DACH2: variants seen among roughly 807,000 people sequenced by gnomAD.
The protein encoded by DACH2 is dachshund family transcription factor 2.
Under a neutral mutation model 35.8 loss-of-function variants are expected in DACH2, and 17 were observed. That is an observed-to-expected ratio of 0.48 (90% confidence interval 0.33 to 0.71). The LOEUF (loss-of-function observed/expected upper bound fraction) is 0.71, where lower values mean the gene tolerates loss of function less well. Among genes scored for constraint, DACH2 ranks in the 30% least tolerant of loss-of-function variants. The pLI is 0.02. For missense variants in DACH2, 469 were observed against 472.7 expected (o/e 0.99, Z 0.07); for synonymous variants, 195 against 177.3 (o/e 1.10, Z -0.79).
chrX:86,764,811 C>T (rs1228926736), intron 7 of DACH2, among the ~76,000 whole-genome samples: 1 of 112,097 alleles, frequency 8.9e-6, no homozygotes, highest in Non-Finnish European at 1.9e-5. Context: ...TCCAAATTGC[C>T]TTCCACAGTG....
chrX:86,230,041 G>A (rs147786355), intron 1 of DACH2, among the ~76,000 whole-genome samples: 2,927 of 110,645 alleles, frequency 0.026, 53 homozygotes, highest in Non-Finnish European at 0.041. Context: ...TCATGTTCCC[G>A]TTCTCAGGGG....
chrX:86,434,370 C>CT (rs1409626082), intron 2 of DACH2, among the ~76,000 whole-genome samples: 1 of 111,227 alleles, frequency 9.0e-6, no homozygotes, highest in Non-Finnish European at 1.9e-5. Context: ...TAAAGTGTAC[C>CT]TTTTTAAAAT....
intron 3 of DACH2, among the ~76,000 whole-genome samples, chrX:86,625,011 G>C (rs910002247): frequency 9.0e-6 from 1 of 111,346 alleles, no homozygotes; most frequent in African/African-American, 3.3e-5. Context: ...ATTTCTTTAT[G>C]GATTCTGTTT....
chrX:86,201,702 C>T (rs1485092209), intron 1 of DACH2, among the ~76,000 whole-genome samples: 2 of 111,248 alleles, frequency 1.8e-5, no homozygotes, highest in East Asian at 2.8e-4. Context: ...TTCAGCTTTA[C>T]TAGATTAATG....
intron 1 of DACH2, among the ~76,000 whole-genome samples, chrX:86,315,832 C>G (rs868439269): frequency 0.053 from 3,963 of 75,165 alleles, 99 homozygotes; most frequent in Non-Finnish European, 0.068. Flanking sequence ...CACACACACA[C>G]ACACACACAG....
chrX:86,777,503 C>G (rs1006594758), intron 7 of DACH2, among the ~76,000 whole-genome samples: 1 of 111,582 alleles, frequency 9.0e-6, no homozygotes, highest in Non-Finnish European at 1.9e-5. Context: ...TATTAAGTGA[C>G]TCTCTATTTT....
At chrX:86,416,875 GA>G (rs1487985944) in intron 2 of DACH2, among the ~76,000 whole-genome samples, 1 of 109,820 alleles carries the variant, frequency 9.1e-6, no homozygotes, top group Non-Finnish European at 1.9e-5. Context: ...AAGGTGGGTG[GA>G]TCACCTGAGG....
chrX:86,735,080 T>A (rs1323564146), intron 6 of DACH2, among the ~76,000 whole-genome samples: 5 of 111,894 alleles, frequency 4.5e-5, no homozygotes, highest in African/African-American at 1.6e-4. Context: ...TACATAATTC[T>A]ACTGAATTCT....
chrX:86,184,035 T>A (rs2031598361), intron 1 of DACH2, among the ~76,000 whole-genome samples: 1 of 111,179 alleles, frequency 9.0e-6, no homozygotes, highest in Non-Finnish European at 1.9e-5. Context: ...CTTTTATCAT[T>A]TTTTATTGTG....
chrX:86,210,799 G>T, intron 1 of DACH2, among the ~76,000 whole-genome samples: 1 of 111,841 alleles, frequency 8.9e-6, no homozygotes. Flanking sequence ...AATGGGATTT[G>T]GTAAAGCCAT....
chrX:86,455,340 C>G (rs746700317), intron 2 of DACH2, among the ~76,000 whole-genome samples: 33 of 111,428 alleles, frequency 3.0e-4, no homozygotes, highest in Non-Finnish European at 6.0e-4. Context: ...AGGATTCTTT[C>G]TCTTCTGGAC....
chrX:86,268,611 G>A (rs1462271630), intron 1 of DACH2, among the ~76,000 whole-genome samples: 1 of 107,217 alleles, frequency 9.3e-6, no homozygotes, highest in Non-Finnish European at 1.9e-5. Context: ...CTCAGCTCAC[G>A]GCAATCCCTG....
intron 4 of DACH2, among the ~76,000 whole-genome samples, chrX:86,692,600 A>T (rs1020770110): frequency 8.9e-6 from 1 of 112,424 alleles, no homozygotes; most frequent in African/African-American, 3.2e-5. Context: ...TTTTAAATTT[A>T]TAAAATAAAT....
At chrX:86,342,460 C>T (rs1345594426) in intron 1 of DACH2, among the ~76,000 whole-genome samples, 2 of 111,360 alleles carry the variant, frequency 1.8e-5, no homozygotes, top group African/African-American at 6.5e-5. Flanking sequence ...AGTGATTATG[C>T]CACTGCACTC....
intron 7 of DACH2, among the ~76,000 whole-genome samples, chrX:86,808,011 C>T (rs1308655508): frequency 8.9e-6 from 1 of 111,808 alleles, no homozygotes; most frequent in East Asian, 2.8e-4. Context: ...AGTGGGAATG[C>T]CTTTCAGCTA....
At chrX:86,610,418 T>TTTTCTTTCTTTCTTTC (rs1158163139) in intron 3 of DACH2, among the ~76,000 whole-genome samples, 1 of 62,204 alleles carries the variant, frequency 1.6e-5, no homozygotes, top group African/African-American at 6.6e-5. Flanking sequence ...TCTTTCTTTC[T>TTTTCTTTCTTTCTTTC]TTTCTTTCTT....
chrX:86,605,597 C>G (rs894459015), intron 3 of DACH2, among the ~76,000 whole-genome samples: 3 of 111,060 alleles, frequency 2.7e-5, no homozygotes, highest in Non-Finnish European at 3.8e-5. Flanking sequence ...GCCATTTTCT[C>G]TTCAAATAAT....
chrX:86,444,455 T>C (rs1220407815), intron 2 of DACH2, among the ~76,000 whole-genome samples: 1 of 111,726 alleles, frequency 9.0e-6, no homozygotes, highest in Non-Finnish European at 1.9e-5. Context: ...TTTTCTCTGA[T>C]AGTAAACCTT....
chrX:86,213,320 C>T lies in DACH2; in HGVS notation c.488+64212C>T, dbSNP rs187022632. 3.5e-3 allele frequency among the ~76,000 whole-genome samples: 384 copies of T among 111,147 alleles called. 2 individuals are homozygous for T. The highest frequency in any genetic ancestry group is 9.3e-3 in the Middle Eastern group (2 of 216). On this transcript the variant is annotated intron_variant, in intron 1 of 11. Coordinates refer to ENST00000373125, the MANE Select transcript of DACH2 (RefSeq NM_053281.3). ...ACAAGTTATTTAGATACAAATATTT[C>T]CCAATAGTACTGCTTCTGCTCATAA...
Sources: allele counts gnomAD v4.1 joint callset (sites outside exome capture counted in the v4.1 genomes callset), GRCh38; gene constraint gnomAD v4.1.1; transcripts MANE v1.5; gene names NCBI Gene and HGNC (gene_info 2026-07-23, HGNC 2026-07-21).